NR6A1: variants seen among roughly 807,000 people sequenced by gnomAD.
The protein encoded by NR6A1 is nuclear receptor subfamily 6 group A member 1.
A neutral mutation model predicts 59.1 loss-of-function variants in NR6A1; 7 were observed. The observed-to-expected ratio is 0.12, with a 90% confidence interval of 0.07 to 0.22. The LOEUF (loss-of-function observed/expected upper bound fraction) is 0.22. Ranked by LOEUF, NR6A1 falls within the 10% of genes least tolerant of loss-of-function variation. The pLI is 1.00. For missense variants in NR6A1, 468 were observed against 611.6 expected, an observed-to-expected ratio of 0.77 and a Z score of 2.48; for synonymous variants, 243 against 236.1, an observed-to-expected ratio of 1.03 and a Z score of -0.27.
At chr9:124,533,051 C>A (rs2131337518) in intron 7 of NR6A1, among the ~76,000 whole-genome samples, 1 of 152,284 alleles carries the variant, frequency 6.6e-6, no homozygotes, top group Non-Finnish European at 1.5e-5. Flanking sequence ...AAGCTCAAAG[C>A]CAGAGAACCC....
rs922378385 is a variant in NR6A1, at chr9:124,666,275, C to CTTTTTTTTTTTTTTTT, written c.142+67017_142+67032dup. ...TTGGCGGAATTACCTCTATGTGGTTCTTTTTTTTTTTTTTTTTTTTTGAGA... is the reference window on the plus strand; with the variant it reads ...TTGGCGGAATTACCTCTATGTGGTTCTTTTTTTTTTTTTTTTTTTTTTTTTTTTTTTTTTTTTGAGA... On this transcript the variant is annotated intron_variant, in intron 2 of 9. Transcript: ENST00000487099. Among the ~76,000 whole-genome samples the CTTTTTTTTTTTTTTTT allele has an allele frequency of 1.2e-3, 128 of 103,038 alleles. 13 individuals are homozygous for CTTTTTTTTTTTTTTTT. In the East Asian group the frequency reaches 0.015, roughly 12 times the overall value. 67.6% of individuals were successfully genotyped at this position (103,038 alleles called of 152,430 possible).
intron 1 of NR6A1, among the ~76,000 whole-genome samples, chr9:124,763,464 C>A (rs1390436604): frequency 6.6e-5 from 10 of 152,102 alleles, no homozygotes; most frequent in Non-Finnish European, 2.9e-5. Context: ...TCTCAAGGAC[C>A]CCCAGAGGTT....
At chr9:124,768,866 G>A (rs1458278051) in intron 1 of NR6A1, among the ~76,000 whole-genome samples, 1 of 152,028 alleles carries the variant, frequency 6.6e-6, no homozygotes, top group East Asian at 1.9e-4. Context: ...AGTAAAATCC[G>A]TCATCTACAT....
rs570740435 is a variant in NR6A1, at chr9:124,750,711, G to C, written c.101-17362C>G. On this transcript the variant is annotated intron_variant, in intron 1 of 9. Transcript: ENST00000487099. Reference sequence around the variant, plus strand: ...GGAGGCGGAGGTTGCAGTGAGCCAAGATCGCGCCACTGCACTCCAGCCTGG... The same window carrying C: ...GGAGGCGGAGGTTGCAGTGAGCCAACATCGCGCCACTGCACTCCAGCCTGG... Among the ~76,000 whole-genome samples the C allele has an allele frequency of 3.9e-5, 6 of 152,096 alleles. No homozygotes were observed. In the East Asian group the frequency reaches 9.7e-4, roughly 24 times the overall value.
chr9:124,623,854 C>T (rs1167998557), intron 2 of NR6A1, among the ~76,000 whole-genome samples: 2 of 152,212 alleles, frequency 1.3e-5, no homozygotes, highest in African/African-American at 4.8e-5. Flanking sequence ...CCACTAACAT[C>T]TGTTTGACAG....
chr9:124,554,584 A>C lies in NR6A1; in HGVS notation c.143-14T>G, dbSNP rs1279502367. ...CTGAAACAGAAACTGATCATGTTCA[A>C]GTTAGAACACAGTGGAAATAATGGC... On this transcript the variant is annotated splice_polypyrimidine_tract_variant and intron_variant, in intron 2 of 9. Coordinates refer to ENST00000487099, the MANE Select transcript of NR6A1 (RefSeq NM_033334.4). The C allele has an allele frequency of 2.5e-6, 4 of 1,614,028 alleles. No homozygotes were observed. Among genetic ancestry groups the C allele is most frequent in the Non-Finnish European group, 3.4e-6 (4 of 1,179,884 alleles).
At chr9:124,530,120 G>C (rs1833058269) in intron 7 of NR6A1, among the ~76,000 whole-genome samples, 1 of 152,142 alleles carries the variant, frequency 6.6e-6, no homozygotes, top group Non-Finnish European at 1.5e-5. Context: ...TGCCAAACCT[G>C]TTCCTGGCTG....
intron 2 of NR6A1, among the ~76,000 whole-genome samples, chr9:124,611,749 TAGAGAGAGAGAGAG>T (rs34197337): frequency 2.2e-5 from 2 of 91,440 alleles, no homozygotes; most frequent in Non-Finnish European, 4.2e-5. Context: ...GACCCTGTCT[TAGAGAGAGAGAGAG>T]AGAGAGAGAG....
chr9:124,757,956 TTATTTTGAAA>T (rs1394759812), intron 1 of NR6A1, among the ~76,000 whole-genome samples: 1 of 152,220 alleles, frequency 6.6e-6, no homozygotes, highest in Non-Finnish European at 1.5e-5. Context: ...AAAAGCAAAC[TTATTTTGAAA>T]TATTTTGAAA....
chr9:124,692,266 G>A (rs1234840553), intron 2 of NR6A1, among the ~76,000 whole-genome samples: 2 of 152,102 alleles, frequency 1.3e-5, no homozygotes, highest in East Asian at 3.8e-4. Context: ...ATTCATTTGA[G>A]TCTGCTTGTA....
intron 2 of NR6A1, among the ~76,000 whole-genome samples, chr9:124,677,952 C>G (rs7040173): frequency 0.13 from 20,248 of 152,088 alleles, 3,656 homozygotes; most frequent in African/African-American, 0.4. Context: ...ACAGAAGACT[C>G]AGAATGCTAC....
chr9:124,654,860 CA>C (rs974450284), intron 2 of NR6A1, among the ~76,000 whole-genome samples: 7 of 118,646 alleles, frequency 5.9e-5, no homozygotes, highest in Non-Finnish European at 5.3e-5. Context: ...TTTATACATA[CA>C]TTTTTTTTTT....
intron 7 of NR6A1, among the ~76,000 whole-genome samples, chr9:124,528,179 C>T (rs1337986357): frequency 6.6e-6 from 1 of 152,186 alleles, no homozygotes; most frequent in African/African-American, 2.4e-5. Context: ...GAAGGCTTTG[C>T]AGGCTTAGGC....
chr9:124,716,190 G>A (rs77004711), intron 2 of NR6A1, among the ~76,000 whole-genome samples: 1 of 152,146 alleles, frequency 6.6e-6, no homozygotes, highest in Admixed American at 6.5e-5. Context: ...GGGCAGCAGA[G>A]TGAGGCCCTG....
intron 2 of NR6A1, among the ~76,000 whole-genome samples, chr9:124,689,222 A>G (rs964184347): frequency 2.6e-5 from 4 of 152,242 alleles, no homozygotes; most frequent in Admixed American, 2.6e-4. Context: ...CCTTTAAAAT[A>G]ACATATAAAT....
At chr9:124,653,888 CCAAA>C (rs1244957904) in intron 2 of NR6A1, among the ~76,000 whole-genome samples, 3 of 152,160 alleles carry the variant, frequency 2.0e-5, no homozygotes, top group South Asian at 2.1e-4. Context: ...ATATTATTAA[CCAAA>C]CAGTCAGCCA....
chr9:124,570,527 G>A (rs553159362), intron 2 of NR6A1, among the ~76,000 whole-genome samples: 2 of 152,322 alleles, frequency 1.3e-5, no homozygotes, highest in South Asian at 2.1e-4. Flanking sequence ...TCAACTGTAG[G>A]TGAGGGCAAG....
chr9:124,647,724 C>CAAAAAAAA (rs35591437), intron 2 of NR6A1, among the ~76,000 whole-genome samples: 4 of 55,858 alleles, frequency 7.2e-5, no homozygotes, highest in South Asian at 5.5e-4. Context: ...GAGACCGTCT[C>CAAAAAAAA]AAAAAAAAAA....
intron 2 of NR6A1, among the ~76,000 whole-genome samples, chr9:124,715,601 C>T (rs1839396729): frequency 2.0e-5 from 3 of 151,928 alleles, no homozygotes; most frequent in Admixed American, 2.0e-4. Context: ...GACCACTCTT[C>T]CCAAATGGAC....
Sources: gnomAD v4.1 joint callset for allele counts (sites outside exome capture counted in the v4.1 genomes callset) on GRCh38, gnomAD v4.1.1 for gene constraint, MANE v1.5 for transcripts, NCBI Gene and HGNC (gene_info 2026-07-23, HGNC 2026-07-21) for gene names.